Variants in PRKAR1A observed in about 807,000 individuals in gnomAD.
The protein encoded by PRKAR1A is protein kinase cAMP-dependent type I regulatory subunit alpha, also known as cAMP-dependent protein kinase type I-alpha regulatory subunit.
PRKAR1A carries 3 observed loss-of-function variants against 52.0 expected under a neutral mutation model. The ratio of observed to expected loss-of-function variants is 0.06; its 90% CI spans 0.03 to 0.15. The LOEUF (loss-of-function observed/expected upper bound fraction) is 0.15, where lower values mean the gene tolerates loss of function less well. PRKAR1A is among the 10% of genes least tolerant of loss of function. The pLI, the probability that PRKAR1A is intolerant of heterozygous loss-of-function variation, is 1.00. For missense variants in PRKAR1A, 240 were observed against 477.4 expected, an observed-to-expected ratio of 0.50 and a Z score of 4.63; for synonymous variants, 188 against 168.4, an observed-to-expected ratio of 1.12 and a Z score of -0.90.
At chr17:68,438,497 A>T in the PRKAR1A span, among the ~76,000 whole-genome samples, 8 of 152,240 alleles carry the variant, frequency 5.3e-5, no homozygotes, top group Non-Finnish European at 1.2e-4. Context: ...GCTGGCAGAA[A>T]AGATGTGAAG....
rs2085970068 is a variant in PRKAR1A at position 68,531,351 on chromosome 17, A to G, written c.*902A>G. The G allele has an allele frequency of 1.9e-6, 2 of 1,065,944 alleles. No homozygotes were observed. The highest frequency in any genetic ancestry group is 4.5e-5 in the South Asian group (1 of 21,984). The allele number at this position is 1,065,944 out of a possible 1,614,324, so 66.0% of individuals were successfully genotyped here. A position where few individuals can be genotyped will look rare whatever the true frequency, so the allele number is the denominator to read the frequency against. ...TAAAGTATGTCCTTCAGCTGACTCC[A>G]GTATAATCTCCTCTGCTCATTAAAC... is the stretch of plus-strand genomic sequence containing the variant. On this transcript the variant is annotated 3_prime_UTR_variant, in exon 11 of 11. Coordinates refer to ENST00000589228, the MANE Select transcript of PRKAR1A (RefSeq NM_002734.5).
chr17:68,539,542 C>G (rs1432562002), intron 11 of PRKAR1A: 1 of 752,624 alleles, frequency 1.3e-6, no homozygotes, highest in East Asian at 2.6e-5. Flanking sequence ...GCCCCTCTCC[C>G]CAGTCAGATC....
chr17:68,488,343 C>G, the PRKAR1A span, among the ~76,000 whole-genome samples: 1 of 152,192 alleles, frequency 6.6e-6, no homozygotes, highest in South Asian at 2.1e-4. Context: ...CTTCTCTGTC[C>G]CATATATACA....
the PRKAR1A span, among the ~76,000 whole-genome samples, chr17:68,478,608 A>G: frequency 2.6e-5 from 4 of 151,106 alleles, no homozygotes; most frequent in African/African-American, 4.9e-5. Flanking sequence ...ATTTAGAAAT[A>G]TGTGTGTGTG....
the PRKAR1A span, among the ~76,000 whole-genome samples, chr17:68,480,886 C>T: frequency 3.9e-5 from 6 of 152,198 alleles, no homozygotes; most frequent in African/African-American, 9.7e-5. Context: ...TAATTTTCTA[C>T]GTTTTTACTT....
the PRKAR1A span, among the ~76,000 whole-genome samples, chr17:68,464,705 A>AC: frequency 1.5e-5 from 2 of 136,030 alleles, no homozygotes; most frequent in South Asian, 2.3e-4. Flanking sequence ...AAAACAAAAA[A>AC]AACAAAAAAA....
intron 11 of PRKAR1A, among the ~76,000 whole-genome samples, chr17:68,543,431 T>C (rs1052371007): frequency 2.0e-5 from 3 of 152,178 alleles, no homozygotes; most frequent in Non-Finnish European, 4.4e-5. Flanking sequence ...TTACATTCGT[T>C]AAAAGGCCTT....
intron 2 of PRKAR1A, among the ~76,000 whole-genome samples, chr17:68,517,639 G>T (rs72847789): frequency 0.13 from 20,080 of 152,202 alleles, 1,375 homozygotes; most frequent in South Asian, 0.2. Flanking sequence ...CCCTCTCAGG[G>T]CACATAGGGA....
chr17:68,539,456 C>T, intron 11 of PRKAR1A: 1 of 1,447,708 alleles, frequency 6.9e-7, no homozygotes, highest in Non-Finnish European at 9.7e-7. Context: ...TCCCCTGAGG[C>T]TTCCTCTCTC....
At chr17:68,452,455 C>T in the PRKAR1A span, among the ~76,000 whole-genome samples, 2 of 152,158 alleles carry the variant, frequency 1.3e-5, no homozygotes, top group Non-Finnish European at 2.9e-5. Flanking sequence ...ATCTCATCTA[C>T]TTGGGAGGCT....
upstream of PRKAR1A, among the ~76,000 whole-genome samples, chr17:68,511,430 C>T (rs1445660987): frequency 6.6e-6 from 1 of 152,150 alleles, no homozygotes; most frequent in Admixed American, 6.5e-5. Context: ...CGCTTTTCCT[C>T]CGAATTTTCC....
chr17:68,508,828 CCTT>C (rs1453579387), upstream of PRKAR1A, among the ~76,000 whole-genome samples: 1 of 152,142 alleles, frequency 6.6e-6, no homozygotes, highest in African/African-American at 2.4e-5. Context: ...AAACACCCCT[CCTT>C]AGTTTAAATG....
the PRKAR1A span, chr17:68,428,983 G>A: frequency 3.5e-5 from 50 of 1,447,638 alleles, no homozygotes; most frequent in Non-Finnish European, 4.3e-5. Context: ...GAAGATGGGC[G>A]ATGGATTCGC....
At chr17:68,539,527 C>T (rs2086197735) in intron 11 of PRKAR1A, 1 of 784,796 alleles carries the variant, frequency 1.3e-6, no homozygotes, top group South Asian at 1.4e-5. Flanking sequence ...GCAGCTGCCT[C>T]TCCAGCCCCT....
chr17:68,444,971 A>C, the PRKAR1A span, among the ~76,000 whole-genome samples: 1 of 125,284 alleles, frequency 8.0e-6, no homozygotes, highest in Non-Finnish European at 1.6e-5. Context: ...CCCAGACTGG[A>C]GTGCAGTGGC....
intron 1 of PRKAR1A, chr17:68,513,154 C>T (rs1179414252): frequency 1.3e-5 from 2 of 152,380 alleles, no homozygotes; most frequent in Non-Finnish European, 2.9e-5. Flanking sequence ...TCCTCGCCAC[C>T]ACTGTGGCCT....
chr17:68,487,060 G>T, the PRKAR1A span, among the ~76,000 whole-genome samples: 2 of 152,074 alleles, frequency 1.3e-5, no homozygotes, highest in Non-Finnish European at 2.9e-5. Flanking sequence ...TTTTAGTAGA[G>T]ATGGGATTTC....
At chr17:68,550,369 CTTTT>C (rs747654899) in intron 11 of PRKAR1A, among the ~76,000 whole-genome samples, 15 of 79,388 alleles carry the variant, frequency 1.9e-4, no homozygotes, top group Middle Eastern at 0.012. Context: ...AATGGGGGAA[CTTTT>C]TTTTTTTTTT....
chr17:68,466,189 T>A, the PRKAR1A span, among the ~76,000 whole-genome samples: 1 of 152,136 alleles, frequency 6.6e-6, no homozygotes, highest in African/African-American at 2.4e-5. Flanking sequence ...AAGCCTTTCC[T>A]ATTAATTACT....
Sources: allele counts gnomAD v4.1 joint callset (sites outside exome capture counted in the v4.1 genomes callset), GRCh38; gene constraint gnomAD v4.1.1; transcripts MANE v1.5; gene names NCBI Gene and HGNC (gene_info 2026-07-23, HGNC 2026-07-21).